RNF212B: variants seen among roughly 807,000 people sequenced by gnomAD.
RNF212B encodes E3 ubiquitin-protein ligase RNF212B.
Under a neutral mutation model 55.5 loss-of-function variants are expected in RNF212B, and 52 were observed. That is an observed-to-expected ratio of 0.94 (90% confidence interval 0.75 to 1.18). The LOEUF (loss-of-function observed/expected upper bound fraction) is 1.18, where lower values mean the gene tolerates loss of function less well. Ranked by LOEUF, RNF212B falls within the 50% of genes most tolerant of loss-of-function variation. RNF212B has a pLI of 0.00. For synonymous variants in RNF212B, 99 were observed against 121.4 expected, an observed-to-expected ratio of 0.82 and a Z score of 1.21; for missense variants, 289 against 350.4, an observed-to-expected ratio of 0.82 and a Z score of 1.40.
upstream of RNF212B, among the ~76,000 whole-genome samples, chr14:23,232,943 G>A (rs1193413316): frequency 1.3e-5 from 2 of 152,118 alleles, no homozygotes; most frequent in Non-Finnish European, 2.9e-5. Flanking sequence ...CCATGATGAC[G>A]ATGGTGGTTT....
chr14:23,186,481 C>G (rs919136026), intron 1 of RNF212B, among the ~76,000 whole-genome samples: 5 of 151,948 alleles, frequency 3.3e-5, no homozygotes. Flanking sequence ...TCCTAAGTAG[C>G]TGGGATTACA....
intron 2 of RNF212B, among the ~76,000 whole-genome samples, chr14:23,219,554 C>T (rs1881380623): frequency 6.6e-6 from 1 of 151,834 alleles, no homozygotes; most frequent in African/African-American, 2.4e-5. Flanking sequence ...TCACTGCAAC[C>T]TCTGCCACCT....
Position 23,269,945 on chromosome 14 carries a change from AC to A in RNF212B, c.762del (p.Asn255ThrfsTer12). The A allele has an allele frequency of 6.5e-7, 1 of 1,540,210 alleles. No homozygotes were observed. The highest frequency in any genetic ancestry group is 2.0e-5 in the Admixed American group (1 of 50,988). On this transcript the variant is annotated frameshift_variant, in exon 13 of 15. Transcript: ENST00000430154. LOFTEE classifies it high-confidence loss of function. ...NGHSGHTRVL[T>X]PNNFAQREST... ...GCATTCAGGCCACACAAGAGTCCTCACCCCCAACAATTTTGGTAAGTTAAAT... is the reference window on the plus strand; with the variant it reads ...GCATTCAGGCCACACAAGAGTCCTCACCCCAACAATTTTGGTAAGTTAAAT...
intron 5 of RNF212B, 151 bp from the exon 6 acceptor site, chr14:23,259,733 C>T: frequency 2.2e-6 from 1 of 457,854 alleles, no homozygotes. Flanking sequence ...CCATTAGTCT[C>T]CTTGAATCAT....
At chr14:23,194,159 A>C (rs553004745) in intron 2 of RNF212B, among the ~76,000 whole-genome samples, 13 of 152,202 alleles carry the variant, frequency 8.5e-5, no homozygotes, top group Non-Finnish European at 1.8e-4. Context: ...CTATCACTTA[A>C]AAATTAAAAA....
chr14:23,213,034 C>T (rs375581689), intron 2 of RNF212B, among the ~76,000 whole-genome samples: 43 of 151,612 alleles, frequency 2.8e-4, no homozygotes, highest in East Asian at 9.8e-4. Context: ...TAACACAGGC[C>T]GGGCATGGTG....
At chr14:23,215,706 G>A (rs1880993514) in intron 2 of RNF212B, among the ~76,000 whole-genome samples, 1 of 152,160 alleles carries the variant, frequency 6.6e-6, no homozygotes, top group South Asian at 2.1e-4. Flanking sequence ...ATGAGCAGAT[G>A]TACCCTAAAA....
At chr14:23,212,916 G>A (rs1594884565) in intron 2 of RNF212B, among the ~76,000 whole-genome samples, 1 of 151,584 alleles carries the variant, frequency 6.6e-6, no homozygotes, top group Admixed American at 6.6e-5. Flanking sequence ...TTTTTTGCCA[G>A]CCTAATAGTA....
intron 11 of RNF212B, among the ~76,000 whole-genome samples, chr14:23,266,202 G>A (rs922002201): frequency 1.3e-5 from 2 of 151,820 alleles, no homozygotes; most frequent in Admixed American, 1.3e-4. Flanking sequence ...CAGGTGATCT[G>A]CCCGCCTCAG....
chr14:23,190,866 T>C (rs2140355054), intron 1 of RNF212B, among the ~76,000 whole-genome samples: 1 of 152,234 alleles, frequency 6.6e-6, no homozygotes, highest in Non-Finnish European at 1.5e-5. Context: ...TTTCACGTGG[T>C]CCTCCAGTCT....
chr14:23,196,350 C>T (rs1472336336), intron 2 of RNF212B, among the ~76,000 whole-genome samples: 1 of 152,198 alleles, frequency 6.6e-6, no homozygotes, highest in Non-Finnish European at 1.5e-5. Flanking sequence ...AGCTGGCTTC[C>T]AAGCCCACTC....
rs1482042481 is a variant in RNF212B, at chr14:23,272,840, G to A, written c.852G>A (p.Arg284=). The A allele has an allele frequency of 1.9e-6, 3 of 1,549,036 alleles. No individual in the cohort carries two copies. The highest frequency in any genetic ancestry group is 2.6e-6 in the Non-Finnish European group (3 of 1,146,002). Residue 284 remains arginine (R), a synonymous_variant, in exon 15 of 15, where the codon CGG becomes CGA. Coordinates refer to ENST00000430154, the MANE Select transcript of RNF212B (RefSeq NM_001282322.3). ...LPVLQTLYQQ[R]RHMGLPSGRE... ...TGCTGCAGACTCTCTACCAACAACG[G>A]AGGCATATGGGATTACCCAGTGGGA... is the stretch of plus-strand genomic sequence containing the variant.
At chr14:23,228,781 A>C (rs1882269180) in intron 2 of RNF212B, among the ~76,000 whole-genome samples, 1 of 152,220 alleles carries the variant, frequency 6.6e-6, no homozygotes, top group Non-Finnish European at 1.5e-5. Flanking sequence ...ATCAAGACAG[A>C]CAAATCAATC....
chr14:23,259,980 C>T (rs1054542971), intron 6 of RNF212B, 36 bp downstream of exon 6: 5 of 1,100,770 alleles, frequency 4.5e-6, no homozygotes, highest in Middle Eastern at 2.7e-4. Context: ...ATTATTTTCT[C>T]TCTTACTTTT....
chr14:23,243,187 G>T, intron 2 of RNF212B, 69 bp from the exon 3 acceptor site: 1 of 1,132,710 alleles, frequency 8.8e-7, no homozygotes, highest in South Asian at 1.4e-5. Flanking sequence ...TTGTTGCCAT[G>T]TACTTTAAGT....
intron 2 of RNF212B, 82 bp downstream of exon 2, chr14:23,240,527 T>A (rs1883493571): frequency 2.4e-6 from 2 of 838,926 alleles, no homozygotes; most frequent in Admixed American, 5.0e-5. Flanking sequence ...TATGTGTGAC[T>A]TAGGATAAAA....
At chr14:23,239,459 G>A (rs1883394433) in intron 1 of RNF212B, among the ~76,000 whole-genome samples, 1 of 152,078 alleles carries the variant, frequency 6.6e-6, no homozygotes, top group African/African-American at 2.4e-5. Context: ...ATTTCCCTTA[G>A]ATAAAATGTG....
Position 23,227,050 on chromosome 14 carries a change from T to C in RNF212B, c.-1-13295T>C, listed in dbSNP as rs192342238. Among the ~76,000 whole-genome samples, 49 of 152,100 alleles carry C rather than the reference T, an allele frequency of 3.2e-4. 1 individual carries two copies. The highest frequency in any genetic ancestry group is 1.1e-3 in the African/African-American group (47 of 41,520). On this transcript the variant is annotated intron_variant, in intron 2 of 15. Coordinates refer to the RNF212B transcript ENST00000399910. The stretch of plus-strand genomic sequence containing the variant: ...TAAGTAAGACTAATGAAATCAGTAA[T>C]GTCATGAGGTCTATGGATGGTACCA...
intron 2 of RNF212B, among the ~76,000 whole-genome samples, chr14:23,232,708 C>T (rs1375482063): frequency 6.7e-6 from 1 of 149,892 alleles, no homozygotes; most frequent in African/African-American, 2.5e-5. Flanking sequence ...AGCCCCCGCC[C>T]GGCCAGCCGC....
Sources: allele counts gnomAD v4.1 joint callset (sites outside exome capture counted in the v4.1 genomes callset), GRCh38; gene constraint gnomAD v4.1.1; transcripts MANE v1.5; gene names NCBI Gene and HGNC (gene_info 2026-07-23, HGNC 2026-07-21).